BABAM2: variants seen among roughly 807,000 people sequenced by gnomAD.
BABAM2 encodes the protein BRISC and BRCA1 A complex member 2.
In BABAM2, 31 loss-of-function variants were observed where a neutral mutation model predicts 54.7. The ratio of observed to expected loss-of-function variants is 0.57; its 90% CI spans 0.43 to 0.77. BABAM2 has a LOEUF of 0.77. Ranked by LOEUF, BABAM2 falls within the 30% of genes least tolerant of loss-of-function variation. The pLI, the probability that BABAM2 is intolerant of heterozygous loss-of-function variation, is 0.00. For synonymous variants in BABAM2, 167 were observed against 162.9 expected (o/e 1.03, Z -0.19); for missense variants, 364 against 455.8 (o/e 0.80, Z 1.83).
chr2:28,021,338 T>C (rs1412444392), intron 4 of BABAM2, among the ~76,000 whole-genome samples: 2 of 152,192 alleles, frequency 1.3e-5, no homozygotes, highest in Non-Finnish European at 2.9e-5. Flanking sequence ...ATGGGTCATG[T>C]GGAGGAACTT....
chr2:28,338,533 G>T lies in BABAM2; in HGVS notation c.*20G>T. 2 of 1,613,536 alleles carry T rather than the reference G, an allele frequency of 1.2e-6. No individual in the cohort carries two copies. The highest frequency in any genetic ancestry group is 1.7e-6 in the Non-Finnish European group (2 of 1,179,580). ...CTCTAGGAAACACCAGTCTTGAGAG[G>T]TGGCCAGCCAGACTGCCTGTCCACA... On this transcript the variant is annotated 3_prime_UTR_variant, in exon 12 of 12. Coordinates refer to ENST00000379624, the MANE Select transcript of BABAM2 (RefSeq NM_199191.3).
intron 10 of BABAM2, among the ~76,000 whole-genome samples, chr2:28,281,279 C>T (rs1465098835): frequency 6.6e-6 from 1 of 152,126 alleles, no homozygotes; most frequent in African/African-American, 2.4e-5. Flanking sequence ...AAACTGGCCT[C>T]CACGTGTAGG....
intron 7 of BABAM2, among the ~76,000 whole-genome samples, chr2:28,220,093 T>C (rs540263225): frequency 6.0e-4 from 91 of 152,334 alleles, no homozygotes; most frequent in South Asian, 2.5e-3. Context: ...GTGGTAAGAT[T>C]GGATCTTTTG....
intron 8 of BABAM2, among the ~76,000 whole-genome samples, chr2:28,239,743 T>A (rs139874492): frequency 6.0e-4 from 92 of 152,322 alleles, no homozygotes; most frequent in African/African-American, 2.1e-3. Flanking sequence ...TCAAAAATCA[T>A]CATTTTGCAG....
chr2:28,338,034 T>A (rs1293097390), intron 11 of BABAM2, among the ~76,000 whole-genome samples: 1 of 152,206 alleles, frequency 6.6e-6, no homozygotes, highest in Non-Finnish European at 1.5e-5. Context: ...TCTTTGTCTT[T>A]ATGAAGTCAA....
In BABAM2 at chr2:28,244,739, A is replaced by G. The variant is rs780270423; in HGVS notation, c.852-41A>G. ...ATTGCTTTTATACCTTAATTTTATG[A>G]GGGTTTTTTTTGTTTGTGTGTGTAT... On this transcript the variant is annotated intron_variant, in intron 9 of 11. Transcript: ENST00000379624. 1.9e-6 allele frequency: 3 copies of G among 1,547,168 alleles called. No individual in the cohort carries two copies. The South Asian group carries it at 3.4e-5, about 18-fold the overall frequency.
chr2:28,253,874 A>G (rs543764421), intron 10 of BABAM2, among the ~76,000 whole-genome samples: 3 of 152,310 alleles, frequency 2.0e-5, no homozygotes, highest in African/African-American at 7.2e-5. Context: ...TGGAGGTGAC[A>G]GGTTGTTCAC....
At chr2:27,933,873 A>G (rs1668296204) in intron 3 of BABAM2, among the ~76,000 whole-genome samples, 1 of 149,728 alleles carries the variant, frequency 6.7e-6, no homozygotes, top group South Asian at 2.1e-4. Flanking sequence ...AGCTGAGACT[A>G]CAGGCACACA....
At chr2:28,043,746 T>C (rs1677325924) in intron 5 of BABAM2, among the ~76,000 whole-genome samples, 1 of 152,212 alleles carries the variant, frequency 6.6e-6, no homozygotes, top group Admixed American at 6.5e-5. Flanking sequence ...CTTTTGGTAA[T>C]CTTGGACTGT....
chr2:28,195,869 G>C (rs1250357708), intron 7 of BABAM2, among the ~76,000 whole-genome samples: 7 of 152,178 alleles, frequency 4.6e-5, no homozygotes, highest in Non-Finnish European at 1.0e-4. Context: ...TAAAATATTA[G>C]TTCAAACAAA....
intron 1 of BABAM2, among the ~76,000 whole-genome samples, chr2:27,892,881 A>T (rs1246801214): frequency 6.6e-6 from 1 of 152,200 alleles, no homozygotes; most frequent in East Asian, 1.9e-4. Context: ...ATGATTTTAG[A>T]ACTGAAGTAT....
At chr2:28,144,971 T>C (rs542514958) in intron 7 of BABAM2, among the ~76,000 whole-genome samples, 1 of 152,294 alleles carries the variant, frequency 6.6e-6, no homozygotes, top group African/African-American at 2.4e-5. Flanking sequence ...GTGCTCCGAG[T>C]GTGGTCCTCA....
intron 6 of BABAM2, among the ~76,000 whole-genome samples, chr2:28,115,713 G>A (rs985793700): frequency 3.9e-5 from 6 of 152,006 alleles, no homozygotes; most frequent in Admixed American, 1.3e-4. Context: ...GATGTAGACC[G>A]GGGAGAAGGC....
chr2:28,315,678 A>G (rs183299288), intron 11 of BABAM2, among the ~76,000 whole-genome samples: 9 of 149,504 alleles, frequency 6.0e-5, no homozygotes, highest in Admixed American at 6.7e-5. Context: ...TTTTTTTTAG[A>G]GGTGGAGTCT....
chr2:28,318,180 T>C (rs1400328669), intron 11 of BABAM2, among the ~76,000 whole-genome samples: 2 of 152,184 alleles, frequency 1.3e-5, no homozygotes, highest in Non-Finnish European at 2.9e-5. Flanking sequence ...TGGTCTTGGG[T>C]GGACCTCCAA....
At chr2:28,202,546 A>C (rs542675227) in intron 7 of BABAM2, among the ~76,000 whole-genome samples, 4 of 152,198 alleles carry the variant, frequency 2.6e-5, no homozygotes, top group African/African-American at 4.8e-5. Flanking sequence ...GTTGCTTCAG[A>C]AACAGCTGGG....
chr2:28,062,154 A>C (rs890648874), intron 6 of BABAM2, among the ~76,000 whole-genome samples: 12 of 151,668 alleles, frequency 7.9e-5, no homozygotes, highest in Non-Finnish European at 1.3e-4. Flanking sequence ...GCTACTTGGC[A>C]GGCTGAGGCA....
intron 3 of BABAM2, among the ~76,000 whole-genome samples, chr2:27,930,704 G>A (rs1668030313): frequency 6.6e-6 from 1 of 152,180 alleles, no homozygotes; most frequent in South Asian, 2.1e-4. Context: ...TGGATAGTAT[G>A]GAAGATCTGT....
intron 6 of BABAM2, among the ~76,000 whole-genome samples, chr2:28,091,592 A>C (rs1023521249): frequency 6.6e-6 from 1 of 152,234 alleles, no homozygotes; most frequent in Non-Finnish European, 1.5e-5. Context: ...AAGAGAGTAC[A>C]GGAGAATTAT....
Sources: gnomAD v4.1 joint callset for allele counts (sites outside exome capture counted in the v4.1 genomes callset) on GRCh38, gnomAD v4.1.1 for gene constraint, MANE v1.5 for transcripts, NCBI Gene and HGNC (gene_info 2026-07-23, HGNC 2026-07-21) for gene names.